Variants in SNX29 observed in about 807,000 individuals in gnomAD.
The protein encoded by SNX29 is sorting nexin 29.
SNX29 carries 78 observed loss-of-function variants against 102.1 expected under a neutral mutation model. That is an observed-to-expected ratio of 0.76 (90% CI 0.64 to 0.92). The LOEUF (loss-of-function observed/expected upper bound fraction) is 0.92. SNX29 is among the 40% of genes least tolerant of loss of function. The probability of loss-of-function intolerance (pLI) is 0.00; values close to 1 mark genes in which losing one functional copy is unlikely to be tolerated. For synonymous variants in SNX29, 580 were observed against 414.5 expected, an observed-to-expected ratio of 1.40 and a Z score of -4.85; for missense variants, 1,280 against 1,061.7, an observed-to-expected ratio of 1.21 and a Z score of -2.86.
At chr16:12,021,417 C>G (rs910793869) in intron 3 of SNX29, among the ~76,000 whole-genome samples, 7 of 136,162 alleles carry the variant, frequency 5.1e-5, no homozygotes, top group Non-Finnish European at 1.2e-4. Flanking sequence ...CAGAGCGAGA[C>G]TCTGACTCAA....
At chr16:12,164,557 A>G (rs186197189) in intron 13 of SNX29, among the ~76,000 whole-genome samples, 2 of 152,124 alleles carry the variant, frequency 1.3e-5, no homozygotes, top group African/African-American at 4.8e-5. Context: ...GAAACTTCTC[A>G]CTTTGAAAGG....
chr16:12,390,385 C>CA (rs1359490503), intron 16 of SNX29, among the ~76,000 whole-genome samples: 1 of 152,132 alleles, frequency 6.6e-6, no homozygotes, highest in African/African-American at 2.4e-5. Context: ...ATGCCTCATC[C>CA]ATCCCTGTCC....
At chr16:12,543,438 CAT>C (rs147515450) in intron 20 of SNX29, among the ~76,000 whole-genome samples, 129 of 152,324 alleles carry the variant, frequency 8.5e-4, no homozygotes, top group African/African-American at 1.9e-3. Context: ...GGTGGGCAAA[CAT>C]ATGTTCATGC....
intron 20 of SNX29, among the ~76,000 whole-genome samples, chr16:12,555,057 G>A (rs895457716): frequency 6.6e-6 from 1 of 151,684 alleles, no homozygotes; most frequent in African/African-American, 2.4e-5. Context: ...TCAAGAGGCT[G>A]GTTGGAGTTG....
intron 18 of SNX29, among the ~76,000 whole-genome samples, chr16:12,438,679 G>A (rs567828790): frequency 6.4e-4 from 97 of 152,354 alleles, no homozygotes; most frequent in African/African-American, 2.1e-3. Flanking sequence ...AGAGCTTGTT[G>A]TTGAAGAAAT....
chr16:12,219,677 A>T (rs140604540), intron 14 of SNX29, among the ~76,000 whole-genome samples: 7 of 152,176 alleles, frequency 4.6e-5, no homozygotes, highest in Non-Finnish European at 1.0e-4. Context: ...ATTCATGCGT[A>T]TTTTAACACA....
At chr16:12,270,968 G>A (rs2142621633) in intron 14 of SNX29, among the ~76,000 whole-genome samples, 1 of 152,248 alleles carries the variant, frequency 6.6e-6, no homozygotes, top group South Asian at 2.1e-4. Flanking sequence ...GCTTGAACTG[G>A]GGAGGTGGAG....
intron 15 of SNX29, among the ~76,000 whole-genome samples, chr16:12,318,043 C>T (rs974560398): frequency 2.0e-5 from 3 of 152,232 alleles, no homozygotes; most frequent in Admixed American, 6.5e-5. Flanking sequence ...ACCTTGTGTT[C>T]GGCCCCACGC....
intron 20 of SNX29, among the ~76,000 whole-genome samples, chr16:12,534,997 G>A (rs1399572834): frequency 6.6e-6 from 1 of 152,194 alleles, no homozygotes; most frequent in Non-Finnish European, 1.5e-5. Flanking sequence ...AGGTTGAGAA[G>A]CCCAGACCTG....
chr16:12,334,597 A>G (rs1387665782), intron 15 of SNX29, among the ~76,000 whole-genome samples: 1 of 152,198 alleles, frequency 6.6e-6, no homozygotes, highest in Non-Finnish European at 1.5e-5. Context: ...GGCTGCATAT[A>G]GCCCATAGAT....
intron 5 of SNX29, among the ~76,000 whole-genome samples, chr16:12,044,348 G>T (rs1428107450): frequency 2.0e-5 from 3 of 152,112 alleles, no homozygotes; most frequent in Non-Finnish European, 4.4e-5. Flanking sequence ...CAGATCTTCT[G>T]GGATTGTGCA....
At chr16:12,411,443 G>T (rs1322596067) in intron 18 of SNX29, among the ~76,000 whole-genome samples, 2 of 152,220 alleles carry the variant, frequency 1.3e-5, no homozygotes, top group East Asian at 1.9e-4. Context: ...TCCCAGGAAA[G>T]CCTGATGTAG....
intron 14 of SNX29, among the ~76,000 whole-genome samples, chr16:12,238,412 G>A (rs996976418): frequency 1.3e-4 from 20 of 151,358 alleles, no homozygotes; most frequent in Admixed American, 6.6e-4. Context: ...TGCAGCCTCC[G>A]CCCCCCGAGT....
chr16:11,988,394 G>A (rs1212150199), intron 1 of SNX29, among the ~76,000 whole-genome samples: 1 of 152,122 alleles, frequency 6.6e-6, no homozygotes, highest in Non-Finnish European at 1.5e-5. Flanking sequence ...CCAACCAGGA[G>A]GGAAGATATT....
intron 4 of SNX29, among the ~76,000 whole-genome samples, chr16:12,038,368 C>T (rs1596660247): frequency 2.0e-5 from 3 of 152,298 alleles, no homozygotes; most frequent in East Asian, 1.9e-4. Context: ...AAGCCTGGTG[C>T]TGTTAGTGTC....
At chr16:12,206,462 G>T (rs1018948432) in intron 14 of SNX29, among the ~76,000 whole-genome samples, 1 of 150,528 alleles carries the variant, frequency 6.6e-6, no homozygotes, top group Non-Finnish European at 1.5e-5. Context: ...TTCTATGTCT[G>T]ATTTCAGACT....
intron 14 of SNX29, among the ~76,000 whole-genome samples, chr16:12,224,093 T>C (rs1453356649): frequency 6.6e-6 from 1 of 152,148 alleles, no homozygotes; most frequent in Admixed American, 6.6e-5. Flanking sequence ...CAGTTGGTAT[T>C]GCAGAGCTGG....
intron 14 of SNX29, among the ~76,000 whole-genome samples, chr16:12,269,608 T>A (rs558451819): frequency 1.3e-5 from 2 of 152,268 alleles, no homozygotes; most frequent in South Asian, 4.2e-4. Context: ...TTTCATGCGG[T>A]CCTTGACCAG....
rs557016254 is a variant in SNX29, at chr16:12,264,828, G to A, written c.1679-13105G>A. Among the ~76,000 whole-genome samples, 3 of 151,446 alleles carry A rather than the reference G, an allele frequency of 2.0e-5. No homozygotes were observed. The East Asian group carries it at 5.8e-4, about 29-fold the overall frequency. On this transcript the variant is annotated intron_variant, in intron 14 of 20. Transcript: ENST00000566228. ...AACACTTATTATCTATTGATCTATTGCCCTCCATATCCCAGGGCACAACAG... is the reference window on the plus strand; with the variant it reads ...AACACTTATTATCTATTGATCTATTACCCTCCATATCCCAGGGCACAACAG...
Sources: allele counts gnomAD v4.1 joint callset (sites outside exome capture counted in the v4.1 genomes callset), GRCh38; gene constraint gnomAD v4.1.1; transcripts MANE v1.5; gene names NCBI Gene and HGNC (gene_info 2026-07-23, HGNC 2026-07-21).